The following TTC27 variants were observed in gnomAD, a reference collection of about 807,000 sequenced individuals.
TTC27 encodes the protein tetratricopeptide repeat domain 27.
A neutral mutation model predicts 115.9 loss-of-function variants in TTC27; 79 were observed. That is an observed-to-expected ratio of 0.68 (90% CI 0.57 to 0.82). The LOEUF is 0.82. Ranked by LOEUF, TTC27 falls within the 40% of genes least tolerant of loss-of-function variation. TTC27 has a pLI of 0.00. For synonymous variants in TTC27, 401 were observed against 356.0 expected (o/e 1.13, Z -1.42); for missense variants, 1,054 against 993.1 (o/e 1.06, Z -0.82).
chr2:32,666,733 A>C lies in TTC27; in HGVS notation c.904A>C (p.Thr302Pro), dbSNP rs1456249681. The C allele has an allele frequency of 4.3e-6, 7 of 1,613,764 alleles. No individual in the cohort carries two copies. Among genetic ancestry groups the C allele is most frequent in the Non-Finnish European group, 5.9e-6 (7 of 1,179,838 alleles). Residue 302 changes from threonine (T) to proline (P), a missense_variant, in exon 7 of 20, where the codon ACT becomes CCT. By Grantham distance (38) the Thr-to-Pro change is conservative (BLOSUM62 -1). Coordinates refer to ENST00000317907, the MANE Select transcript of TTC27 (RefSeq NM_017735.5). Reference protein sequence around the residue: ...EGDVLSNCEFTPAPTPQEHLT... With the variant: ...EGDVLSNCEFPPAPTPQEHLT... ...GGATGTCCTTTCAAATTGTGAATTCACTCCAGCACCCACTCCTCAGGAACA... is the reference window on the plus strand; with the variant it reads ...GGATGTCCTTTCAAATTGTGAATTCCCTCCAGCACCCACTCCTCAGGAACA...
intron 9 of TTC27, among the ~76,000 whole-genome samples, chr2:32,691,458 C>G (rs1353486813): frequency 1.3e-5 from 2 of 151,886 alleles, no homozygotes; most frequent in Non-Finnish European, 2.9e-5. Context: ...GCCACTGCAC[C>G]CAGCTAATTT....
chr2:32,669,706 G>A (rs541157551), intron 7 of TTC27, among the ~76,000 whole-genome samples: 30 of 151,760 alleles, frequency 2.0e-4, no homozygotes, highest in Admixed American at 9.2e-4. Flanking sequence ...CCAACATGCC[G>A]AAACCCCATC....
intron 13 of TTC27, among the ~76,000 whole-genome samples, chr2:32,767,875 A>G (rs1669694389): frequency 1.3e-5 from 2 of 152,248 alleles, no homozygotes; most frequent in Admixed American, 6.5e-5. Flanking sequence ...TTCAATTAAA[A>G]TTATTGTGTC....
At chr2:32,765,429 A>G (rs1669593124) in intron 13 of TTC27, among the ~76,000 whole-genome samples, 1 of 151,524 alleles carries the variant, frequency 6.6e-6, no homozygotes, top group Non-Finnish European at 1.5e-5. Context: ...TGCTGTAAAC[A>G]GAAGTATTGT....
chr2:32,755,232 G>A (rs944402213), intron 12 of TTC27, among the ~76,000 whole-genome samples: 8 of 152,186 alleles, frequency 5.3e-5, no homozygotes, highest in Non-Finnish European at 8.8e-5. Context: ...CAAGGCAGGC[G>A]GCTGGGAGGT....
chr2:32,732,553 TTTTTTTTTC>T (rs1273137157), intron 10 of TTC27, among the ~76,000 whole-genome samples: 1 of 151,764 alleles, frequency 6.6e-6, no homozygotes, highest in African/African-American at 2.4e-5. Flanking sequence ...ATTCCCGTCC[TTTTTTTTTC>T]TCCTGAGGCT....
intron 13 of TTC27, among the ~76,000 whole-genome samples, chr2:32,759,432 A>C (rs748637710): frequency 9.2e-5 from 14 of 152,194 alleles, no homozygotes; most frequent in Non-Finnish European, 1.8e-4. Context: ...GGTAAAAAAC[A>C]TAGAAAAATT....
At chr2:32,800,730 C>T (rs929467060) in intron 16 of TTC27, among the ~76,000 whole-genome samples, 1 of 151,492 alleles carries the variant, frequency 6.6e-6, no homozygotes, top group African/African-American at 2.4e-5. Context: ...AAACTCCTGA[C>T]CTCAAGTGAT....
intron 13 of TTC27, among the ~76,000 whole-genome samples, chr2:32,771,860 A>T (rs1344032958): frequency 6.6e-6 from 1 of 152,228 alleles, no homozygotes; most frequent in African/African-American, 2.4e-5. Context: ...GGTCACAGAA[A>T]TCAGGCAGGG....
At chr2:32,639,952 T>C (rs551938780) in intron 3 of TTC27, among the ~76,000 whole-genome samples, 2 of 152,160 alleles carry the variant, frequency 1.3e-5, no homozygotes, top group South Asian at 2.1e-4. Context: ...TGAGCCAAGA[T>C]CACGCCACTG....
At chr2:32,655,805 A>G (rs1187472996) in intron 5 of TTC27, among the ~76,000 whole-genome samples, 1 of 151,604 alleles carries the variant, frequency 6.6e-6, no homozygotes, top group African/African-American at 2.4e-5. Context: ...AAAATCTTAT[A>G]TTCTGTCACT....
Position 32,753,845 on chromosome 2 carries a change from G to A in TTC27, c.1453-4447G>A, listed in dbSNP as rs572457818. ...CTCTGACACTCTGAGAGGCCGAGGT[G>A]GGCAGATCACTTGTGGTCAGGAGTT... On this transcript the variant is annotated intron_variant, in intron 12 of 19. Coordinates refer to ENST00000317907, the MANE Select transcript of TTC27 (RefSeq NM_017735.5). Among the ~76,000 whole-genome samples the A allele has an allele frequency of 8.5e-5, 13 of 152,184 alleles. No individual in the cohort carries two copies. The South Asian group carries it at 2.5e-3, about 29-fold the overall frequency.
rs185665580 is a variant in TTC27, at chr2:32,629,904, T to G, written c.89-619T>G. On this transcript the variant is annotated intron_variant, in intron 1 of 19. Transcript: ENST00000317907. ...TACTCTGTGTGTATGTGTGTGTGTGTGGGCACTTGTGTGACACAGTAGGTG... is the reference window on the plus strand; with the variant it reads ...TACTCTGTGTGTATGTGTGTGTGTGGGGGCACTTGTGTGACACAGTAGGTG... 1.6e-4 allele frequency among the ~76,000 whole-genome samples: 24 copies of G among 152,124 alleles called. No individual in the cohort carries two copies. In the South Asian group the frequency reaches 1.9e-3, roughly 12 times the overall value.
chr2:32,733,345 C>T (rs1407795678), intron 10 of TTC27, among the ~76,000 whole-genome samples: 1 of 152,214 alleles, frequency 6.6e-6, no homozygotes, highest in African/African-American at 2.4e-5. Flanking sequence ...CCTTATTGCT[C>T]TGTTGCTGAA....
At chr2:32,806,967 C>T (rs10187224) in intron 16 of TTC27, among the ~76,000 whole-genome samples, 28,840 of 151,972 alleles carry the variant, frequency 0.19, 2,814 homozygotes, top group Admixed American at 0.25. Flanking sequence ...GTATGCAAAT[C>T]ATAAGTAAAC....
At chr2:32,693,064 T>A (rs1284832423) in intron 9 of TTC27, among the ~76,000 whole-genome samples, 2 of 152,150 alleles carry the variant, frequency 1.3e-5, no homozygotes, top group Non-Finnish European at 2.9e-5. Flanking sequence ...CGTGACTTCA[T>A]GTTTTAAAAT....
chr2:32,789,921 C>CAA (rs34859954), intron 16 of TTC27, among the ~76,000 whole-genome samples: 1,024 of 25,350 alleles, frequency 0.04, 54 homozygotes, highest in African/African-American at 0.095. Context: ...ACCCTGTCTC[C>CAA]AAAAAAAAAA....
intron 13 of TTC27, among the ~76,000 whole-genome samples, chr2:32,772,786 G>T (rs998333000): frequency 1.1e-4 from 16 of 152,110 alleles, no homozygotes; most frequent in Admixed American, 9.2e-4. Flanking sequence ...TATTGTCAAT[G>T]TCCTTATTTT....
intron 12 of TTC27, among the ~76,000 whole-genome samples, chr2:32,743,106 A>T (rs1356120454): frequency 6.6e-6 from 1 of 151,556 alleles, no homozygotes; most frequent in Non-Finnish European, 1.5e-5. Flanking sequence ...TTTCCCCTTC[A>T]TTTTTTACGT....
Sources: allele counts gnomAD v4.1 joint callset (sites outside exome capture counted in the v4.1 genomes callset), GRCh38; gene constraint gnomAD v4.1.1; transcripts MANE v1.5; gene names NCBI Gene and HGNC (gene_info 2026-07-23, HGNC 2026-07-21).